Variants in ITPK1 observed in about 807,000 individuals in gnomAD.
ITPK1 encodes the protein inositol 1,3,4-trisphosphate 5/6-kinase.
A neutral mutation model predicts 45.3 loss-of-function variants in ITPK1; 21 were observed. The observed-to-expected ratio is 0.46, with a 90% confidence interval of 0.33 to 0.67. ITPK1 has a LOEUF of 0.67. ITPK1 is among the 30% of genes least tolerant of loss of function. The pLI is 0.02. For synonymous variants in ITPK1, 258 were observed against 253.6 expected, an observed-to-expected ratio of 1.02 and a Z score of -0.16; for missense variants, 474 against 573.5, an observed-to-expected ratio of 0.83 and a Z score of 1.77.
At chr14:93,035,912 G>A (rs1889296804) in intron 3 of ITPK1, among the ~76,000 whole-genome samples, 1 of 152,234 alleles carries the variant, frequency 6.6e-6, no homozygotes, top group Non-Finnish European at 1.5e-5. Flanking sequence ...TCCAAGGCCT[G>A]GGCTAAGGGT....
chr14:92,993,638 G>A (rs1886902594), intron 5 of ITPK1, among the ~76,000 whole-genome samples: 1 of 152,316 alleles, frequency 6.6e-6, no homozygotes, highest in South Asian at 2.1e-4. Flanking sequence ...GTTCAACACA[G>A]CAAAACAAAA....
intron 3 of ITPK1, among the ~76,000 whole-genome samples, chr14:93,058,193 T>C (rs918304338): frequency 6.6e-6 from 1 of 151,472 alleles, no homozygotes; most frequent in East Asian, 2.0e-4. Flanking sequence ...GGATCAATCA[T>C]AAATTGATGA....
intron 3 of ITPK1, among the ~76,000 whole-genome samples, chr14:93,075,515 A>G (rs934090583): frequency 1.3e-5 from 2 of 151,986 alleles, no homozygotes; most frequent in African/African-American, 2.4e-5. Flanking sequence ...TCAACCCACA[A>G]ACTACCAGGA....
intron 5 of ITPK1, among the ~76,000 whole-genome samples, chr14:92,981,694 A>G (rs1886236978): frequency 6.6e-6 from 1 of 152,224 alleles, no homozygotes. Context: ...ATGGTCCCCA[A>G]AGACACACTC....
intron 5 of ITPK1, among the ~76,000 whole-genome samples, chr14:92,991,178 A>G (rs915927577): frequency 6.6e-6 from 1 of 152,142 alleles, no homozygotes; most frequent in Non-Finnish European, 1.5e-5. Flanking sequence ...GCCTCCAGGA[A>G]CAGCAGGCAG....
chr14:93,022,735 AG>A (rs899683242), intron 3 of ITPK1, among the ~76,000 whole-genome samples: 11 of 152,132 alleles, frequency 7.2e-5, no homozygotes, highest in Non-Finnish European at 1.2e-4. Flanking sequence ...GATGTTGGGC[AG>A]GCTGGTCTTG....
chr14:93,094,075 G>C (rs2140010762), intron 2 of ITPK1, among the ~76,000 whole-genome samples: 1 of 152,344 alleles, frequency 6.6e-6, no homozygotes, highest in Non-Finnish European at 1.5e-5. Context: ...GGGTCTGGGG[G>C]CATCCCAGCT....
intron 3 of ITPK1, among the ~76,000 whole-genome samples, chr14:93,033,687 G>T (rs1347177934): frequency 2.0e-5 from 3 of 152,192 alleles, no homozygotes; most frequent in Non-Finnish European, 4.4e-5. Context: ...AGGCAGAGAG[G>T]AGAAAGAGGC....
At chr14:92,964,173 T>TG (rs1390335517) in intron 5 of ITPK1, among the ~76,000 whole-genome samples, 1 of 152,114 alleles carries the variant, frequency 6.6e-6, no homozygotes, top group Non-Finnish European at 1.5e-5. Flanking sequence ...CAGAAAGATT[T>TG]GGGGGGTTGC....
chr14:92,969,589 C>T (rs768800802), intron 5 of ITPK1, among the ~76,000 whole-genome samples: 34 of 152,210 alleles, frequency 2.2e-4, no homozygotes, highest in Non-Finnish European at 1.0e-4. Flanking sequence ...CAGACAAGCC[C>T]CTTCTGCCTG....
At chr14:93,068,132 A>G (rs1441216198) in intron 3 of ITPK1, 2 of 152,930 alleles carry the variant, frequency 1.3e-5, no homozygotes, top group African/African-American at 2.4e-5. Flanking sequence ...AGATGAGTAA[A>G]AATCAATTAA....
At chr14:93,006,232 A>C (rs1188570931) in intron 4 of ITPK1, among the ~76,000 whole-genome samples, 1 of 152,154 alleles carries the variant, frequency 6.6e-6, no homozygotes, top group Non-Finnish European at 1.5e-5. Flanking sequence ...CAGGCCCAAC[A>C]AGGGGTAGGG....
intron 10 of ITPK1, among the ~76,000 whole-genome samples, chr14:92,942,182 C>T (rs537534601): frequency 3.3e-5 from 5 of 152,192 alleles, no homozygotes; most frequent in Non-Finnish European, 7.4e-5. Context: ...TTGCTTGTCC[C>T]TGTTCCTCTC....
At chr14:92,949,488 G>T (rs1166142049) in intron 9 of ITPK1, among the ~76,000 whole-genome samples, 1 of 152,226 alleles carries the variant, frequency 6.6e-6, no homozygotes, top group Non-Finnish European at 1.5e-5. Context: ...TCATCCTGCA[G>T]CCCAAGGCCC....
chr14:93,056,008 C>T (rs79776407), intron 3 of ITPK1, among the ~76,000 whole-genome samples: 5,240 of 152,234 alleles, frequency 0.034, 314 homozygotes, highest in African/African-American at 0.12. Flanking sequence ...GTGTTTAGGC[C>T]ACAGGAGAGC....
intron 5 of ITPK1, among the ~76,000 whole-genome samples, chr14:92,973,543 C>T (rs1030700879): frequency 3.3e-5 from 5 of 152,250 alleles, no homozygotes; most frequent in African/African-American, 1.2e-4. Context: ...AAGTCACCTT[C>T]CCTCTGTGGT....
chr14:93,047,388 A>G (rs1028965788), intron 3 of ITPK1, among the ~76,000 whole-genome samples: 2 of 152,206 alleles, frequency 1.3e-5, no homozygotes, highest in African/African-American at 4.8e-5. Context: ...TATGAACATG[A>G]TCTTACTTGA....
At chr14:93,087,150 G>T (rs988583678) in intron 2 of ITPK1, among the ~76,000 whole-genome samples, 3 of 152,240 alleles carry the variant, frequency 2.0e-5, no homozygotes, top group Non-Finnish European at 4.4e-5. Context: ...TCAGAGGCAG[G>T]CTTCCTTTTG....
chr14:93,000,472 A>C (rs1047682718), intron 4 of ITPK1, among the ~76,000 whole-genome samples: 1 of 152,198 alleles, frequency 6.6e-6, no homozygotes, highest in African/African-American at 2.4e-5. Context: ...TTATAAATAA[A>C]GAAACCAAGT....
Sources: gnomAD v4.1 joint callset for allele counts (sites outside exome capture counted in the v4.1 genomes callset) on GRCh38, gnomAD v4.1.1 for gene constraint, MANE v1.5 for transcripts, NCBI Gene and HGNC (gene_info 2026-07-23, HGNC 2026-07-21) for gene names.